IL16: variants seen among roughly 807,000 people sequenced by gnomAD.
IL16 encodes the protein pro-interleukin-16.
IL16 carries 67 observed loss-of-function variants against 110.1 expected under a neutral mutation model. The observed-to-expected ratio is 0.61, with a 90% CI of 0.50 to 0.75. The LOEUF is 0.75. IL16 is among the 30% of genes least tolerant of loss of function. The pLI is 0.00. For missense variants in IL16, 1,545 were observed against 1,655.0 expected (o/e 0.93, Z 1.15); for synonymous variants, 689 against 662.9 (o/e 1.04, Z -0.61).
At chr15:81,228,222 G>T (rs1239885805) in intron 2 of IL16, among the ~76,000 whole-genome samples, 1 of 152,154 alleles carries the variant, frequency 6.6e-6, no homozygotes, top group Non-Finnish European at 1.5e-5. Context: ...CTTGAGAATG[G>T]CTAGATGGCA....
intron 1 of IL16, among the ~76,000 whole-genome samples, chr15:81,189,008 T>A (rs563392049): frequency 6.6e-6 from 1 of 152,096 alleles, no homozygotes; most frequent in South Asian, 2.1e-4. Flanking sequence ...AGTGGTATGA[T>A]CAAGGCTCAC....
At chr15:81,188,457 C>T in intron 1 of IL16, 1 of 455,658 alleles carries the variant, frequency 2.2e-6, no homozygotes. Context: ...CTGTATAAGT[C>T]TTATAATAAC....
intron 9 of IL16, among the ~76,000 whole-genome samples, chr15:81,285,451 G>C (rs1485182417): frequency 6.6e-6 from 1 of 152,182 alleles, no homozygotes; most frequent in Non-Finnish European, 1.5e-5. Context: ...ATGAACTTTT[G>C]TTAATGTTGA....
intron 1 of IL16, chr15:81,183,015 A>G (rs1237843084): frequency 9.5e-6 from 5 of 528,308 alleles, no homozygotes; most frequent in African/African-American, 4.5e-5. Flanking sequence ...ACTGTGTAGT[A>G]TATGAGTGAG....
chr15:81,254,615 C>G (rs1897884417), intron 2 of IL16, among the ~76,000 whole-genome samples: 1 of 152,184 alleles, frequency 6.6e-6, no homozygotes, highest in Non-Finnish European at 1.5e-5. Context: ...GGGCCACAGT[C>G]TCTGATGAGA....
chr15:81,308,662 G>A lies in IL16; in HGVS notation c.3863G>A (p.Gly1288Asp). The stretch of plus-strand genomic sequence containing the variant: ...CCTGGAGATGAAATCTTACAGCTGG[G>A]TGGCACTGCCATGCAGGGCCTCACA... ...VQPGDEILQL[G>D]GTAMQGLTRF... The change falls in exon 19 of 19, where the codon GGT (glycine) becomes GAT (aspartate). Residue 1288 changes from glycine to aspartate, a missense_variant. This residue lies in a region of IL16 where 356 missense variants were observed against 399.3 expected (regional missense o/e 0.89). Coordinates refer to ENST00000683961, the MANE Select transcript of IL16 (RefSeq NM_172217.5). 6.2e-7 allele frequency: 1 copy of A among 1,613,806 alleles called. No homozygotes were observed. Among genetic ancestry groups the A allele is most frequent in the Non-Finnish European group, 8.5e-7 (1 of 1,179,818 alleles).
intron 1 of IL16, among the ~76,000 whole-genome samples, chr15:81,217,970 G>T (rs1896489191): frequency 6.6e-6 from 1 of 152,114 alleles, no homozygotes; most frequent in Non-Finnish European, 1.5e-5. Context: ...TCTGGAAAGA[G>T]AAATGAAAAT....
intron 1 of IL16, among the ~76,000 whole-genome samples, chr15:81,185,347 T>TTTTTC (rs1205029888): frequency 6.7e-6 from 1 of 150,016 alleles, no homozygotes; most frequent in Non-Finnish European, 1.5e-5. Context: ...TTCATTGCTT[T>TTTTTC]TTTTCTTTTC....
rs527656973 is a variant in IL16 at position 81,283,933 on chromosome 15, G to A, written c.1199+1177G>A. ...CAGGAGGCTCACTTGAGCCAGGGAG[G>A]CAGAGGTTGCAGTAAGCCAAGATCG... On this transcript the variant is annotated intron_variant, in intron 9 of 18. Coordinates refer to ENST00000683961, the MANE Select transcript of IL16 (RefSeq NM_172217.5). 6.6e-5 allele frequency among the ~76,000 whole-genome samples: 10 copies of A among 150,816 alleles called. No individual in the cohort carries two copies. In the South Asian group the frequency reaches 8.4e-4, roughly 13 times the overall value.
At chr15:81,230,482 G>A (rs1241894455) in intron 2 of IL16, among the ~76,000 whole-genome samples, 3 of 152,130 alleles carry the variant, frequency 2.0e-5, no homozygotes, top group Non-Finnish European at 2.9e-5. Context: ...GTCCTCTGGA[G>A]ATAAAGAAAT....
At chr15:81,265,504 C>T (rs970529510) in intron 3 of IL16, among the ~76,000 whole-genome samples, 155 bp from the exon 4 acceptor site, 4 of 152,144 alleles carry the variant, frequency 2.6e-5, no homozygotes, top group Non-Finnish European at 4.4e-5. Context: ...ATGTCTTCCG[C>T]GGCCACCTCT....
chr15:81,313,082 A>G lies in IL16; in HGVS notation c.*4284A>G. The G allele has an allele frequency of 1.5e-6, 1 of 652,098 alleles. No homozygotes were observed. 40.4% of individuals were successfully genotyped at this position (652,098 alleles called of 1,614,324 possible). A position where few individuals can be genotyped will look rare whatever the true frequency, so the allele number is the denominator to read the frequency against. ...ACACGCCAACCCTGAGTGGGGCAGGAGGCAGGAAGGGTGGGCTGCCGCCTC... is the reference window on the plus strand; with the variant it reads ...ACACGCCAACCCTGAGTGGGGCAGGGGGCAGGAAGGGTGGGCTGCCGCCTC... On this transcript the variant is annotated 3_prime_UTR_variant, in exon 19 of 19. Coordinates refer to ENST00000683961, the MANE Select transcript of IL16 (RefSeq NM_172217.5).
chr15:81,192,978 C>T (rs559867935), upstream of IL16, among the ~76,000 whole-genome samples: 1 of 152,272 alleles, frequency 6.6e-6, no homozygotes, highest in East Asian at 1.9e-4. Context: ...GTTCTAAGAA[C>T]CTTACAAGTA....
At chr15:81,306,390 T>G (rs1272988496) in intron 17 of IL16, 30 bp from the exon 18 acceptor site, 35 of 1,611,740 alleles carry the variant, frequency 2.2e-5, no homozygotes, top group Non-Finnish European at 2.9e-5. Context: ...GAGGAGAGGA[T>G]CCCTAACAGA....
chr15:81,299,835 T>C lies in IL16; in HGVS notation c.2509T>C (p.Ser837Pro). The C allele has an allele frequency of 1.9e-6, 3 of 1,613,894 alleles. No individual in the cohort carries two copies. The highest frequency in any genetic ancestry group is 2.5e-6 in the Non-Finnish European group (3 of 1,179,988). The change falls in exon 14 of 19, where the codon TCC becomes CCC. Residue 837 changes from serine to proline, a missense_variant. By Grantham distance (74) the Ser-to-Pro change is moderately conservative. Around this residue, in one of 3 missense-constraint regions of IL16, gnomAD observed 1,185 missense variants for 1,238.8 expected, o/e 0.96. Coordinates refer to ENST00000683961, the MANE Select transcript of IL16 (RefSeq NM_172217.5). ...ACACATCCGGGCCTCCTCCTCCTCC[T>C]CCTCCATCAGGCAGAGAATCAGCTC... ...GSHIRASSSS[S>P]SIRQRISSFE...
chr15:81,242,660 C>T (rs1897375958), intron 2 of IL16, among the ~76,000 whole-genome samples: 2 of 152,134 alleles, frequency 1.3e-5, no homozygotes, highest in African/African-American at 4.8e-5. Context: ...CATCAACAAA[C>T]AAGGACAGTT....
At chr15:81,286,571 C>T (rs1039573710) in intron 10 of IL16, among the ~76,000 whole-genome samples, 22 of 152,148 alleles carry the variant, frequency 1.4e-4, no homozygotes, top group Non-Finnish European at 2.5e-4. Context: ...TTTTATTCTA[C>T]ATAGTGAGGA....
At chr15:81,265,380 G>A (rs1567025223) in intron 3 of IL16, among the ~76,000 whole-genome samples, 1 of 152,188 alleles carries the variant, frequency 6.6e-6, no homozygotes, top group African/African-American at 2.4e-5. Context: ...TGATTGACTT[G>A]CAGGAAATGC....
In IL16 at chr15:81,308,807, T is replaced by G; in HGVS notation, c.*9T>G. On this transcript the variant is annotated 3_prime_UTR_variant, in exon 19 of 19. Coordinates refer to ENST00000683961, the MANE Select transcript of IL16 (RefSeq NM_172217.5). ...CTGCTGGAGACTCCTAGGCAGGACA[T>G]GCTGAAGCCAAAGCCAATAACACAC... 6.2e-7 allele frequency: 1 copy of G among 1,606,120 alleles called. No homozygotes were observed. Among genetic ancestry groups the G allele is most frequent in the African/African-American group, 1.3e-5 (1 of 74,516 alleles).
Sources: gnomAD v4.1 joint callset for allele counts (sites outside exome capture counted in the v4.1 genomes callset) on GRCh38, gnomAD v4.1.1 for gene constraint, gnomAD v4.1.1 regional missense constraint, MANE v1.5 for transcripts, NCBI Gene and HGNC (gene_info 2026-07-23, HGNC 2026-07-21) for gene names.